Variants in GFOD1 observed in about 807,000 individuals in gnomAD.
The protein encoded by GFOD1 is Gfo/Idh/MocA-like oxidoreductase domain containing 1, also known as glucose-fructose oxidoreductase domain-containing protein 1.
Under a neutral mutation model 25.4 loss-of-function variants are expected in GFOD1, and 9 were observed. The ratio of observed to expected loss-of-function variants is 0.35; its 90% CI spans 0.21 to 0.62. The LOEUF (loss-of-function observed/expected upper bound fraction) is 0.62. Ranked by LOEUF, GFOD1 falls within the 20% of genes least tolerant of loss-of-function variation. The pLI, the probability that GFOD1 is intolerant of heterozygous loss-of-function variation, is 0.72. For missense variants in GFOD1, 403 were observed against 556.9 expected, an observed-to-expected ratio of 0.72 and a Z score of 2.78; for synonymous variants, 253 against 245.6, an observed-to-expected ratio of 1.03 and a Z score of -0.28.
chr6:13,431,741 AC>A (rs1046429816), intron 1 of GFOD1, among the ~76,000 whole-genome samples: 18 of 152,300 alleles, frequency 1.2e-4, no homozygotes, highest in African/African-American at 4.3e-4. Context: ...CTCAATACAA[AC>A]TTAAATGACC....
At chr6:13,417,756 G>A (rs572263715) in intron 1 of GFOD1, among the ~76,000 whole-genome samples, 118 of 152,310 alleles carry the variant, frequency 7.7e-4, no homozygotes, top group Non-Finnish European at 1.4e-3. Context: ...AATAATTCCC[G>A]GAATATGGAT....
intron 1 of GFOD1, among the ~76,000 whole-genome samples, chr6:13,439,066 G>T (rs146793948): frequency 6.6e-6 from 1 of 152,086 alleles, no homozygotes; most frequent in African/African-American, 2.4e-5. Context: ...CTGCAATCAG[G>T]GTACTCAGGG....
intron 1 of GFOD1, among the ~76,000 whole-genome samples, chr6:13,370,024 A>T (rs934398069): frequency 6.6e-6 from 1 of 152,264 alleles, no homozygotes; most frequent in Admixed American, 6.5e-5. Flanking sequence ...AATTAAAAAA[A>T]TCCACAAAGA....
Position 13,404,037 on chromosome 6 carries a change from G to A in GFOD1, c.254-38375C>T, listed in dbSNP as rs77503590. ...AATATGAATAGCAAAATGTTTGAAT[G>A]TTTATATATTTTTAAAAGTTAAAAA... On this transcript the variant is annotated intron_variant, in intron 1 of 1. Transcript: ENST00000379287. Among the ~76,000 whole-genome samples, 736 of 152,266 alleles carry A rather than the reference G, an allele frequency of 4.8e-3. 12 individuals carry two copies. Among genetic ancestry groups the A allele is most frequent in the African/African-American group, 0.017 (694 of 41,540 alleles).
chr6:13,468,145 G>A (rs2560817), intron 1 of GFOD1, among the ~76,000 whole-genome samples: 139,815 of 152,250 alleles, frequency 0.92, 65,336 homozygotes, highest in East Asian at 1. Context: ...TTGATAACAA[G>A]CATCATTAGG....
intron 1 of GFOD1, among the ~76,000 whole-genome samples, chr6:13,419,075 C>CT (rs147273617): frequency 0.012 from 1,801 of 152,256 alleles, 31 homozygotes; most frequent in African/African-American, 0.041. Flanking sequence ...AAGCAGAAGG[C>CT]TTGGCATGGA....
At chr6:13,470,424 TGTGCATATTAAGTTAGACAG>T in intron 1 of GFOD1, 2 of 1,550,014 alleles carry the variant, frequency 1.3e-6, no homozygotes, top group Non-Finnish European at 1.7e-6. Flanking sequence ...TGTGAACGGC[TGTGCATATTAAGTTAGACAG>T]GCTGCATCCC....
At position 13,363,880 on chromosome 6, in the gene GFOD1, A is replaced by C. The variant is rs1784989035; in HGVS notation, c.*863T>G. ...CGTGGCAGGGCTACCTTAACACCGCAGTAATCCCTCTGATACTCAATTCCA... is the reference window on the plus strand; with the variant it reads ...CGTGGCAGGGCTACCTTAACACCGCCGTAATCCCTCTGATACTCAATTCCA... On this transcript the variant is annotated 3_prime_UTR_variant, in exon 2 of 2. Transcript: ENST00000379287. 6.6e-6 allele frequency: 1 copy of C among 152,200 alleles called. No homozygotes were observed. Among genetic ancestry groups the C allele is most frequent in the South Asian group, 2.1e-4 (1 of 4,828 alleles). 9.4% of individuals were successfully genotyped at this position (152,200 alleles called of 1,614,324 possible).
intron 1 of GFOD1, chr6:13,407,926 C>T (rs567144622): frequency 3.3e-5 from 32 of 982,802 alleles, no homozygotes; most frequent in East Asian, 1.1e-4. Flanking sequence ...AACTGACTCT[C>T]GGAGATTGCC....
At chr6:13,400,638 A>G (rs1280380994) in intron 1 of GFOD1, among the ~76,000 whole-genome samples, 1 of 152,262 alleles carries the variant, frequency 6.6e-6, no homozygotes, top group East Asian at 1.9e-4. Flanking sequence ...GCTGATGGAA[A>G]AATACATAAA....
chr6:13,474,892 C>T (rs557328026), intron 1 of GFOD1, among the ~76,000 whole-genome samples: 3 of 152,286 alleles, frequency 2.0e-5, no homozygotes, highest in African/African-American at 7.2e-5. Flanking sequence ...TAGTCTTTCT[C>T]TTCTACTCCA....
chr6:13,408,451 T>G (rs1252641584), intron 1 of GFOD1, among the ~76,000 whole-genome samples: 1 of 152,176 alleles, frequency 6.6e-6, no homozygotes, highest in Non-Finnish European at 1.5e-5. Context: ...GATGGCTGCT[T>G]TTCTAGCAAA....
intron 1 of GFOD1, among the ~76,000 whole-genome samples, chr6:13,464,446 G>A (rs1758345721): frequency 6.6e-6 from 1 of 152,128 alleles, no homozygotes; most frequent in African/African-American, 2.4e-5. Context: ...TGCTCCCTAG[G>A]ACCACAAGCT....
chr6:13,475,435 C>T (rs60148958), intron 1 of GFOD1, among the ~76,000 whole-genome samples: 4,912 of 151,348 alleles, frequency 0.032, 115 homozygotes, highest in African/African-American at 0.06. Flanking sequence ...TTAGGCTGGG[C>T]GCGGTGGCTC....
At chr6:13,470,355 T>G (rs545621903) in intron 1 of GFOD1, 1 of 1,555,760 alleles carries the variant, frequency 6.4e-7, no homozygotes, top group African/African-American at 1.4e-5. Flanking sequence ...CACAGACAAA[T>G]GCAGCATTGT....
chr6:13,379,624 G>A (rs535873350), intron 1 of GFOD1, among the ~76,000 whole-genome samples: 2 of 152,312 alleles, frequency 1.3e-5, no homozygotes, highest in South Asian at 4.1e-4. Flanking sequence ...TGTTCCTTGT[G>A]TTTCTCAAGC....
chr6:13,370,339 C>T (rs753365639), intron 1 of GFOD1, among the ~76,000 whole-genome samples: 13 of 152,238 alleles, frequency 8.5e-5, no homozygotes, highest in African/African-American at 2.7e-4. Context: ...AGCCCATGCA[C>T]GGATCCCCTC....
intron 1 of GFOD1, among the ~76,000 whole-genome samples, chr6:13,457,467 G>GGGTCCTCCTGAAGT (rs1358240973): frequency 1.3e-5 from 2 of 152,142 alleles, no homozygotes; most frequent in Non-Finnish European, 2.9e-5. Flanking sequence ...CCCCAACCCA[G>GGGTCCTCCTGAAGT]GGTCCTCCTG....
At chr6:13,425,438 G>A (rs1265598611) in intron 1 of GFOD1, among the ~76,000 whole-genome samples, 3 of 152,078 alleles carry the variant, frequency 2.0e-5, no homozygotes, top group Admixed American at 1.3e-4. Context: ...TGTGTTCTTG[G>A]CCACTACCCT....
Sources: gnomAD v4.1 joint callset for allele counts (sites outside exome capture counted in the v4.1 genomes callset) on GRCh38, gnomAD v4.1.1 for gene constraint, MANE v1.5 for transcripts, NCBI Gene and HGNC (gene_info 2026-07-23, HGNC 2026-07-21) for gene names.